The following ITFG1 variants were observed in gnomAD, a reference collection of about 807,000 sequenced individuals.
ITFG1 encodes the protein integrin alpha FG-GAP repeat containing 1, also known as T-cell immunomodulatory protein.
In ITFG1, 34 loss-of-function variants were observed where a neutral mutation model predicts 81.8. The ratio of observed to expected loss-of-function variants is 0.42; its 90% CI spans 0.32 to 0.55. ITFG1 has a LOEUF of 0.55. Ranked by LOEUF, ITFG1 falls within the 20% of genes least tolerant of loss-of-function variation. The probability of loss-of-function intolerance (pLI) is 0.17; values close to 1 mark genes in which losing one functional copy is unlikely to be tolerated. For synonymous variants in ITFG1, 285 were observed against 270.6 expected (o/e 1.05, Z -0.52); for missense variants, 672 against 755.4 (o/e 0.89, Z 1.29).
rs147861477 is a variant in ITFG1 at position 47,306,145 on chromosome 16, A to C, written c.1070+5095T>G. On this transcript the variant is annotated intron_variant, in intron 10 of 17. Transcript: ENST00000320640. ...TAGGTATTAATATTTAATAACCACAATGACAAAAATAAAAATTTTAATATG... is the reference window on the plus strand; with the variant it reads ...TAGGTATTAATATTTAATAACCACACTGACAAAAATAAAAATTTTAATATG... 2.0e-5 allele frequency among the ~76,000 whole-genome samples: 3 copies of C among 152,320 alleles called. No individual in the cohort carries two copies. The East Asian group carries it at 5.8e-4, about 29-fold the overall frequency.
intron 10 of ITFG1, among the ~76,000 whole-genome samples, chr16:47,276,082 G>A (rs188766234): frequency 6.6e-6 from 1 of 152,032 alleles, no homozygotes; most frequent in African/African-American, 2.4e-5. Context: ...AAAAAAGAAA[G>A]AAGAGATACA....
chr16:47,264,128 G>A (rs1329618925), intron 10 of ITFG1, among the ~76,000 whole-genome samples: 1 of 151,918 alleles, frequency 6.6e-6, no homozygotes. Flanking sequence ...ATTCAATAGA[G>A]AGATTTAAAA....
chr16:47,399,917 G>A (rs571799969), intron 6 of ITFG1, among the ~76,000 whole-genome samples: 2 of 152,092 alleles, frequency 1.3e-5, no homozygotes, highest in Non-Finnish European at 2.9e-5. Context: ...GAAGGCTTCT[G>A]GATTCTATTT....
intron 6 of ITFG1, chr16:47,426,088 G>A (rs1596976158): frequency 6.6e-6 from 1 of 152,180 alleles, no homozygotes; most frequent in Admixed American, 6.5e-5. Flanking sequence ...GTGATCTCAT[G>A]ATGGTAGATA....
At chr16:47,271,500 A>T (rs78498076) in intron 10 of ITFG1, among the ~76,000 whole-genome samples, 78 of 152,342 alleles carry the variant, frequency 5.1e-4, no homozygotes, top group Non-Finnish European at 7.6e-4. Context: ...GAATACTTGT[A>T]TAATGTAGAC....
intron 8 of ITFG1, among the ~76,000 whole-genome samples, chr16:47,338,889 A>T (rs1967744863): frequency 6.6e-6 from 1 of 152,160 alleles, no homozygotes; most frequent in Non-Finnish European, 1.5e-5. Flanking sequence ...TGCATTAACA[A>T]ATACTAGGTC....
chr16:47,244,411 TAG>T (rs1965972794), intron 12 of ITFG1, among the ~76,000 whole-genome samples: 2 of 151,962 alleles, frequency 1.3e-5, no homozygotes, highest in Non-Finnish European at 2.9e-5. Flanking sequence ...TATCTCTAGG[TAG>T]ATAGTGTCAG....
chr16:47,265,571 A>G (rs181371702), intron 10 of ITFG1, among the ~76,000 whole-genome samples: 39 of 152,314 alleles, frequency 2.6e-4, no homozygotes, highest in South Asian at 1.4e-3. Context: ...GTGAAGTGCT[A>G]TAATACTGTT....
chr16:47,374,368 T>A (rs1399969241), intron 7 of ITFG1, among the ~76,000 whole-genome samples: 1 of 152,214 alleles, frequency 6.6e-6, no homozygotes, highest in South Asian at 2.1e-4. Context: ...CCAGTCAAAA[T>A]CTATTTTATT....
At chr16:47,355,877 A>T (rs577652754) in intron 8 of ITFG1, among the ~76,000 whole-genome samples, 108 of 152,212 alleles carry the variant, frequency 7.1e-4, no homozygotes, top group Non-Finnish European at 1.3e-3. Context: ...GAGTATAAAA[A>T]TTCTAAAAAT....
At chr16:47,284,532 G>T (rs758395631) in intron 10 of ITFG1, among the ~76,000 whole-genome samples, 15 of 152,148 alleles carry the variant, frequency 9.9e-5, no homozygotes, top group Non-Finnish European at 2.1e-4. Flanking sequence ...AACAGTGATA[G>T]ATGTTTTAAT....
intron 6 of ITFG1, among the ~76,000 whole-genome samples, chr16:47,403,289 C>T (rs1409292201): frequency 6.6e-6 from 1 of 150,946 alleles, no homozygotes. Context: ...GTGGAAGCAA[C>T]CAGATAAAGC....
chr16:47,392,373 A>G (rs1968543256), intron 6 of ITFG1, among the ~76,000 whole-genome samples: 1 of 151,876 alleles, frequency 6.6e-6, no homozygotes, highest in South Asian at 2.1e-4. Flanking sequence ...TCAGCCGTGT[A>G]AAGGCTGGAG....
chr16:47,447,442 C>T (rs945310332), intron 5 of ITFG1, among the ~76,000 whole-genome samples: 1 of 152,118 alleles, frequency 6.6e-6, no homozygotes, highest in Non-Finnish European at 1.5e-5. Flanking sequence ...CAAACAATTT[C>T]ACTTAAATAT....
At chr16:47,370,914 T>C (rs1968245498) in intron 7 of ITFG1, among the ~76,000 whole-genome samples, 1 of 152,210 alleles carries the variant, frequency 6.6e-6, no homozygotes, top group Non-Finnish European at 1.5e-5. Flanking sequence ...TGAAACTATA[T>C]ATTATTGTTA....
intron 5 of ITFG1, among the ~76,000 whole-genome samples, chr16:47,430,066 T>C (rs1256959596): frequency 6.6e-6 from 1 of 150,554 alleles, no homozygotes; most frequent in South Asian, 2.1e-4. Context: ...TCTTTTTTTT[T>C]TTTTTTTTTG....
At chr16:47,330,470 G>A (rs1180018251) in intron 8 of ITFG1, among the ~76,000 whole-genome samples, 2 of 151,958 alleles carry the variant, frequency 1.3e-5, no homozygotes, top group Non-Finnish European at 2.9e-5. Flanking sequence ...AAGAGCTTCT[G>A]CATAGCCAAG....
At chr16:47,447,286 AT>A (rs961058973) in intron 5 of ITFG1, among the ~76,000 whole-genome samples, 4 of 151,918 alleles carry the variant, frequency 2.6e-5, no homozygotes, top group Non-Finnish European at 5.9e-5. Flanking sequence ...GTTACTATCA[AT>A]TTTTTTTGCA....
chr16:47,421,386 C>T (rs905323326), intron 6 of ITFG1, among the ~76,000 whole-genome samples: 2 of 151,666 alleles, frequency 1.3e-5, no homozygotes, highest in African/African-American at 4.8e-5. Flanking sequence ...GCTCACTGAA[C>T]CTCTGCCTCC....
Sources: allele counts gnomAD v4.1 joint callset (sites outside exome capture counted in the v4.1 genomes callset), GRCh38; gene constraint gnomAD v4.1.1; transcripts MANE v1.5; gene names NCBI Gene and HGNC (gene_info 2026-07-23, HGNC 2026-07-21).